The following ZC3HC1 variants were observed in gnomAD, a reference collection of about 807,000 sequenced individuals.
ZC3HC1 encodes zinc finger C3HC-type protein 1.
Under a neutral mutation model 61.9 loss-of-function variants are expected in ZC3HC1, and 38 were observed. The ratio of observed to expected loss-of-function variants is 0.61; its 90% CI spans 0.47 to 0.81. ZC3HC1 has a LOEUF of 0.81. Among genes scored for constraint, ZC3HC1 ranks in the 30% least tolerant of loss-of-function variants. ZC3HC1 has a pLI of 0.00. For synonymous variants in ZC3HC1, 213 were observed against 229.9 expected, an observed-to-expected ratio of 0.93 and a Z score of 0.67; for missense variants, 554 against 622.7, an observed-to-expected ratio of 0.89 and a Z score of 1.17.
Position 130,022,379 on chromosome 7 carries a change from T to C in ZC3HC1, c.1380A>G (p.Ala460=), listed in dbSNP as rs1563073359. 6 of 1,613,854 alleles carry C rather than the reference T, an allele frequency of 3.7e-6. No homozygotes were observed. The highest frequency in any genetic ancestry group is 5.1e-6 in the Non-Finnish European group (6 of 1,179,954). Residue 460 remains alanine, a synonymous_variant, in exon 9 of 10, where the codon GCA becomes GCG. Transcript: ENST00000358303. The part of the protein sequence containing the change: ...ASAPAEPGWK[A]VLTILLAHKQ... ...TGTGCGCCAAGAGGATGGTCAGCAC[T>C]GCTTTCCAGCCTGGCTCTGCTGGGG...
chr7:130,038,078 G>A (rs994568431), intron 4 of ZC3HC1, among the ~76,000 whole-genome samples: 3 of 152,186 alleles, frequency 2.0e-5, no homozygotes, highest in Non-Finnish European at 4.4e-5. Flanking sequence ...ATGGTTGGGA[G>A]CAACTGTGCC....
intron 8 of ZC3HC1, 82 bp from the exon 9 acceptor site, chr7:130,022,607 C>T (rs1368729671): frequency 7.8e-6 from 11 of 1,412,416 alleles, no homozygotes; most frequent in Non-Finnish European, 8.8e-6. Context: ...TTATCAAGTC[C>T]AGAATCTCAC....
intron 4 of ZC3HC1, among the ~76,000 whole-genome samples, chr7:130,034,281 T>C (rs1397742707): frequency 6.6e-6 from 1 of 150,882 alleles, no homozygotes; most frequent in Non-Finnish European, 1.5e-5. Context: ...GTCAGGAGAT[T>C]GAGACTATCC....
intron 2 of ZC3HC1, chr7:130,043,620 T>TA (rs1213577859): frequency 4.7e-6 from 1 of 214,482 alleles, no homozygotes; most frequent in Non-Finnish European, 9.5e-6. Flanking sequence ...GAAGGATGGT[T>TA]AAAATACCTT....
Position 130,018,575 on chromosome 7 carries a change from T to TA in ZC3HC1, c.*88dup, listed in dbSNP as rs1793473946. ...TGATTAACCCAGAACAGGAAAAACT[T>TA]AGTGTCAGCTGACCGAAAGGAACTC... is the stretch of plus-strand genomic sequence containing the variant. On this transcript the variant is annotated 3_prime_UTR_variant, in exon 10 of 10. Coordinates refer to ENST00000358303, the MANE Select transcript of ZC3HC1 (RefSeq NM_016478.5). The TA allele has an allele frequency of 2.6e-6, 3 of 1,152,520 alleles. No individual in the cohort carries two copies. Among genetic ancestry groups the TA allele is most frequent in the Non-Finnish European group, 3.8e-6 (3 of 785,686 alleles). 71.4% of individuals were successfully genotyped at this position (1,152,520 alleles called of 1,614,324 possible). A position where few individuals can be genotyped will look rare whatever the true frequency, so the allele number is the denominator to read the frequency against.
At chr7:130,028,017 A>C (rs1417687388) in intron 5 of ZC3HC1, among the ~76,000 whole-genome samples, 1 of 151,478 alleles carries the variant, frequency 6.6e-6, no homozygotes, top group East Asian at 2.0e-4. Flanking sequence ...AATTACAAAA[A>C]TTAGCTAGGC....
intron 4 of ZC3HC1, among the ~76,000 whole-genome samples, chr7:130,029,801 A>G (rs1171296650): frequency 6.6e-6 from 1 of 152,204 alleles, no homozygotes; most frequent in African/African-American, 2.4e-5. Context: ...GAAAAGTCTT[A>G]AAGAACCATC....
intron 1 of ZC3HC1, 40 bp downstream of exon 1, chr7:130,051,181 A>G (rs200072750): frequency 2.6e-6 from 4 of 1,565,452 alleles, no homozygotes; most frequent in African/African-American, 2.8e-5. Context: ...GCCTTCTTCA[A>G]TCTTCCAACG....
At chr7:130,037,451 AAAACAAAC>A (rs150885654) in intron 4 of ZC3HC1, among the ~76,000 whole-genome samples, 5 of 151,992 alleles carry the variant, frequency 3.3e-5, no homozygotes, top group African/African-American at 4.8e-5. Context: ...CGTCTCAAGG[AAAACAAAC>A]AAACAAACAA....
At chr7:130,036,232 G>A (rs914996539) in intron 4 of ZC3HC1, among the ~76,000 whole-genome samples, 8 of 152,050 alleles carry the variant, frequency 5.3e-5, no homozygotes, top group Non-Finnish European at 1.0e-4. Context: ...AAAAGTCAAG[G>A]TAAGGCTGGG....
chr7:130,021,569 G>A (rs1000589619), intron 9 of ZC3HC1, among the ~76,000 whole-genome samples: 19 of 152,184 alleles, frequency 1.2e-4, no homozygotes, highest in Non-Finnish European at 2.5e-4. Context: ...ACAGAGTAAA[G>A]TAATGTGCCC....
intron 4 of ZC3HC1, among the ~76,000 whole-genome samples, chr7:130,030,372 C>G (rs909886402): frequency 6.6e-6 from 1 of 151,772 alleles, no homozygotes; most frequent in Non-Finnish European, 1.5e-5. Context: ...GTTAATTTTT[C>G]TATTTTTAAT....
At chr7:130,046,310 A>C (rs1794864133) in intron 2 of ZC3HC1, among the ~76,000 whole-genome samples, 1 of 152,130 alleles carries the variant, frequency 6.6e-6, no homozygotes, top group Non-Finnish European at 1.5e-5. Context: ...TGAAGATAAA[A>C]GTTGAAGAAA....
At chr7:130,032,120 AG>A (rs1222245534) in intron 4 of ZC3HC1, among the ~76,000 whole-genome samples, 1 of 151,818 alleles carries the variant, frequency 6.6e-6, no homozygotes, top group Non-Finnish European at 1.5e-5. Flanking sequence ...GCTACTCGGG[AG>A]GCTGAGGCAG....
chr7:130,029,170 A>G (rs1194307319), intron 4 of ZC3HC1, 141 bp from the exon 5 acceptor site: 2 of 859,966 alleles, frequency 2.3e-6, no homozygotes, highest in East Asian at 3.9e-5. Flanking sequence ...CAGGAGTTCA[A>G]GACCAACCTA....
Position 130,041,082 on chromosome 7 carries a change from T to G in ZC3HC1, c.278A>C (p.Lys93Thr). The G allele has an allele frequency of 6.2e-7, 1 of 1,611,374 alleles. No homozygotes were observed. ...GACGAGTGGAGACAGCTCAAAGGGCTTACCTGCCCATTTCAAAGAGTATCC... is the reference window on the plus strand; with the variant it reads ...GACGAGTGGAGACAGCTCAAAGGGCGTACCTGCCCATTTCAAAGAGTATCC... ...ETFSSLKWAG[K>T]PFELSPLVCA... is the part of the protein sequence containing the mutation. Residue 93 changes from lysine (K) to threonine (T), a missense_variant, in exon 3 of 10, where the codon AAG becomes ACG. Coordinates refer to ENST00000358303, the MANE Select transcript of ZC3HC1 (RefSeq NM_016478.5).
chr7:130,049,150 A>G lies in ZC3HC1; in HGVS notation c.147-6T>C, dbSNP rs1220303444. The G allele has an allele frequency of 2.5e-6, 4 of 1,586,886 alleles. No homozygotes were observed. Among genetic ancestry groups the G allele is most frequent in the Admixed American group, 3.6e-5 (2 of 55,542 alleles). ...ATGTGGCAGACGTGTCCTTCCTAATATAAAGTGGCAAAACTGTTGGTAAAC... is the reference window on the plus strand; with the variant it reads ...ATGTGGCAGACGTGTCCTTCCTAATGTAAAGTGGCAAAACTGTTGGTAAAC... On this transcript the variant is annotated splice_polypyrimidine_tract_variant and splice_region_variant and intron_variant, in intron 1 of 9. Coordinates refer to ENST00000358303, the MANE Select transcript of ZC3HC1 (RefSeq NM_016478.5).
intron 9 of ZC3HC1, among the ~76,000 whole-genome samples, chr7:130,020,930 G>A (rs1793616252): frequency 6.6e-6 from 1 of 151,614 alleles, no homozygotes; most frequent in Non-Finnish European, 1.5e-5. Context: ...TTTTGAGACA[G>A]CGTCTCTCTC....
At chr7:130,021,897 G>A (rs1026355828) in intron 9 of ZC3HC1, among the ~76,000 whole-genome samples, 10 of 152,196 alleles carry the variant, frequency 6.6e-5, no homozygotes, top group African/African-American at 2.2e-4. Context: ...CGTATAAGCC[G>A]GGCACGGTGG....
Sources: allele counts gnomAD v4.1 joint callset (sites outside exome capture counted in the v4.1 genomes callset), GRCh38; gene constraint gnomAD v4.1.1; transcripts MANE v1.5; gene names NCBI Gene and HGNC (gene_info 2026-07-23, HGNC 2026-07-21).